CTNNA3: variants seen among roughly 807,000 people sequenced by gnomAD.
The protein encoded by CTNNA3 is catenin alpha-3.
In CTNNA3, 76 loss-of-function variants were observed where a neutral mutation model predicts 95.7. The observed-to-expected ratio is 0.79, with a 90% CI of 0.66 to 0.96. CTNNA3 has a LOEUF of 0.96. Ranked by LOEUF, CTNNA3 falls within the 40% of genes least tolerant of loss-of-function variation. The pLI is 0.00. For missense variants in CTNNA3, 1,191 were observed against 1,089.8 expected, an observed-to-expected ratio of 1.09 and a Z score of -1.31; for synonymous variants, 431 against 374.4, an observed-to-expected ratio of 1.15 and a Z score of -1.74.
intron 7 of CTNNA3, among the ~76,000 whole-genome samples, chr10:67,148,482 C>A (rs1397867160): frequency 6.6e-6 from 1 of 152,130 alleles, no homozygotes; most frequent in Non-Finnish European, 1.5e-5. Context: ...TTCTCTTTAC[C>A]AGATCATGGG....
intron 5 of CTNNA3, among the ~76,000 whole-genome samples, chr10:67,516,267 G>A (rs898645481): frequency 1.8e-4 from 27 of 152,080 alleles, no homozygotes; most frequent in African/African-American, 6.3e-4. Context: ...TACCTTATAA[G>A]GTCCTTGTAG....
intron 5 of CTNNA3, among the ~76,000 whole-genome samples, chr10:67,303,297 T>C (rs968648247): frequency 2.0e-5 from 3 of 152,296 alleles, no homozygotes; most frequent in Admixed American, 6.5e-5. Flanking sequence ...GGAAACCCAA[T>C]AACAAGGGGA....
At chr10:67,311,971 A>G (rs1428382084) in intron 5 of CTNNA3, among the ~76,000 whole-genome samples, 1 of 151,802 alleles carries the variant, frequency 6.6e-6, no homozygotes, top group Non-Finnish European at 1.5e-5. Context: ...ACACACACAC[A>G]CGCACACGTA....
chr10:67,530,692 TG>T (rs1238988326), intron 4 of CTNNA3, among the ~76,000 whole-genome samples: 2 of 152,236 alleles, frequency 1.3e-5, no homozygotes, highest in African/African-American at 4.8e-5. Context: ...TCAAGCCAGC[TG>T]CAGAAATTTG....
chr10:67,760,932 T>G (rs1018425963), intron 1 of CTNNA3, among the ~76,000 whole-genome samples: 5 of 152,134 alleles, frequency 3.3e-5, no homozygotes, highest in African/African-American at 1.2e-4. Context: ...TATATTACAA[T>G]GTAATAATAA....
chr10:67,231,870 G>T (rs563470265), intron 5 of CTNNA3, among the ~76,000 whole-genome samples: 1 of 152,214 alleles, frequency 6.6e-6, no homozygotes, highest in Non-Finnish European at 1.5e-5. Flanking sequence ...GAATGCAGAA[G>T]CCTCAGGAGC....
chr10:67,328,973 C>G (rs1316613932), intron 5 of CTNNA3, among the ~76,000 whole-genome samples: 1 of 152,136 alleles, frequency 6.6e-6, no homozygotes, highest in African/African-American at 2.4e-5. Flanking sequence ...TATCAGAATT[C>G]TGATTTGTAA....
At chr10:67,653,571 T>C (rs2133499251) in intron 1 of CTNNA3, among the ~76,000 whole-genome samples, 1 of 152,298 alleles carries the variant, frequency 6.6e-6, no homozygotes, top group South Asian at 2.1e-4. Flanking sequence ...CCCTACCAAC[T>C]ATGCATCTTC....
chr10:66,152,913 G>A (rs979530458), intron 13 of CTNNA3, among the ~76,000 whole-genome samples: 3 of 151,838 alleles, frequency 2.0e-5, no homozygotes, highest in Non-Finnish European at 4.4e-5. Flanking sequence ...TTATTTTCTT[G>A]AATATTTTTT....
chr10:66,377,587 C>T (rs1047762607), intron 12 of CTNNA3, among the ~76,000 whole-genome samples: 2 of 151,746 alleles, frequency 1.3e-5, no homozygotes, highest in African/African-American at 4.8e-5. Flanking sequence ...AAAACTGAGA[C>T]AGAGGCAAAA....
intron 12 of CTNNA3, among the ~76,000 whole-genome samples, chr10:66,337,896 C>G (rs893078717): frequency 1.6e-4 from 25 of 151,892 alleles, no homozygotes; most frequent in Admixed American, 5.2e-4. Flanking sequence ...CAATTTCATT[C>G]CTAGGTATCT....
intron 11 of CTNNA3, among the ~76,000 whole-genome samples, chr10:66,427,542 A>G (rs1004930268): frequency 1.1e-4 from 17 of 152,076 alleles, no homozygotes; most frequent in Non-Finnish European, 1.0e-4. Context: ...TGTTTATCTA[A>G]CTAGAGGAAA....
intron 11 of CTNNA3, 99 bp from the exon 12 acceptor site, chr10:66,379,451 G>C: frequency 1.0e-6 from 1 of 990,660 alleles, no homozygotes; most frequent in Non-Finnish European, 1.5e-6. Context: ...ACTTCAGATA[G>C]AGTGCACATT....
At chr10:66,235,225 G>A (rs150586980) in intron 13 of CTNNA3, among the ~76,000 whole-genome samples, 1 of 152,212 alleles carries the variant, frequency 6.6e-6, no homozygotes, top group African/African-American at 2.4e-5. Flanking sequence ...TGGTAGTAAT[G>A]TTACATAGTA....
At chr10:66,548,754 C>G (rs1191667244) in intron 10 of CTNNA3, among the ~76,000 whole-genome samples, 1 of 151,964 alleles carries the variant, frequency 6.6e-6, no homozygotes, top group African/African-American at 2.4e-5. Context: ...CTTACAGCAA[C>G]TTTGCACTTC....
At chr10:66,949,665 C>T (rs1010353317) in intron 7 of CTNNA3, among the ~76,000 whole-genome samples, 6 of 151,956 alleles carry the variant, frequency 3.9e-5, no homozygotes, top group African/African-American at 1.2e-4. Context: ...GATTGGAGTA[C>T]CACTACGTAT....
At chr10:67,319,896 C>CAA (rs11418140) in intron 5 of CTNNA3, among the ~76,000 whole-genome samples, 6,283 of 101,974 alleles carry the variant, frequency 0.062, 478 homozygotes, top group African/African-American at 0.18. Context: ...GACTCAGTCT[C>CAA]AAAAAAAAAA....
At chr10:66,669,451 G>A (rs1185205664) in intron 9 of CTNNA3, among the ~76,000 whole-genome samples, 8 of 151,978 alleles carry the variant, frequency 5.3e-5, no homozygotes, top group Non-Finnish European at 4.4e-5. Flanking sequence ...GCTGAGGCAC[G>A]AGAATCACTT....
chr10:66,306,109 A>G (rs1346233913), intron 12 of CTNNA3, among the ~76,000 whole-genome samples: 1 of 152,222 alleles, frequency 6.6e-6, no homozygotes, highest in Non-Finnish European at 1.5e-5. Flanking sequence ...GGTTAGAAAA[A>G]AATCCAGATT....
Sources: gnomAD v4.1 joint callset for allele counts (sites outside exome capture counted in the v4.1 genomes callset) on GRCh38, gnomAD v4.1.1 for gene constraint, MANE v1.5 for transcripts, NCBI Gene and HGNC (gene_info 2026-07-23, HGNC 2026-07-21) for gene names.